DNAJB6: variants seen among roughly 807,000 people sequenced by gnomAD.
The protein encoded by DNAJB6 is DnaJ heat shock protein family (Hsp40) member B6.
A neutral mutation model predicts 42.7 loss-of-function variants in DNAJB6; 16 were observed. The observed-to-expected ratio is 0.37, with a 90% CI of 0.25 to 0.57. The LOEUF (loss-of-function observed/expected upper bound fraction) is 0.57. Ranked by LOEUF, DNAJB6 falls within the 20% of genes least tolerant of loss-of-function variation. The probability of loss-of-function intolerance (pLI) is 0.74; values close to 1 mark genes in which losing one functional copy is unlikely to be tolerated. For missense variants in DNAJB6, 347 were observed against 416.8 expected (o/e 0.83, Z 1.46); for synonymous variants, 170 against 163.5 (o/e 1.04, Z -0.30).
chr7:157,358,156 C>G (rs772492827), intron 1 of DNAJB6, among the ~76,000 whole-genome samples: 1 of 152,184 alleles, frequency 6.6e-6, no homozygotes, highest in African/African-American at 2.4e-5. Flanking sequence ...TGCCCGATGC[C>G]TGGCACAGGA....
At chr7:157,351,727 G>A (rs1798989421) in intron 1 of DNAJB6, among the ~76,000 whole-genome samples, 1 of 152,248 alleles carries the variant, frequency 6.6e-6, no homozygotes, top group Non-Finnish European at 1.5e-5. Context: ...ACTTTGGTAG[G>A]CCAAGGTGGA....
intron 8 of DNAJB6, among the ~76,000 whole-genome samples, chr7:157,386,592 A>T (rs1286002051): frequency 6.8e-6 from 1 of 146,100 alleles, no homozygotes; most frequent in Non-Finnish European, 1.5e-5. Context: ...ATGTAAGATC[A>T]CTTACGGATC....
intron 1 of DNAJB6, among the ~76,000 whole-genome samples, chr7:157,349,414 T>A (rs190084309): frequency 1.8e-4 from 28 of 152,274 alleles, no homozygotes; most frequent in Non-Finnish European, 2.9e-4. Flanking sequence ...GAGTCTCACC[T>A]GCCCAAAGGT....
At position 157,365,406 on chromosome 7, in the gene DNAJB6, C is replaced by T. The variant is rs139386039; in HGVS notation, c.176-1096C>T. On this transcript the variant is annotated intron_variant, in intron 3 of 9. Transcript: ENST00000262177. ...GCACACTAGCCCCAGGCCTTGCATC[C>T]GGGTGGTCCACTTCGAGGGTGAATG... is the stretch of plus-strand genomic sequence containing the variant. Among the ~76,000 whole-genome samples the T allele has an allele frequency of 6.5e-3, 992 of 152,314 alleles. 12 individuals are homozygous for T. Among genetic ancestry groups the T allele is most frequent in the African/African-American group, 0.022 (915 of 41,578 alleles).
At position 157,340,964 on chromosome 7, in the gene DNAJB6, C is replaced by CTGTG. The variant is rs35976329; in HGVS notation, c.-27+3851_-27+3854dup. 2.6e-3 allele frequency among the ~76,000 whole-genome samples: 373 copies of CTGTG among 146,174 alleles called. 4 individuals are homozygous for CTGTG. Among genetic ancestry groups the CTGTG allele is most frequent in the South Asian group, 8.3e-3 (38 of 4,572 alleles). On this transcript the variant is annotated intron_variant, in intron 1 of 9. Coordinates refer to ENST00000262177, the MANE Select transcript of DNAJB6 (RefSeq NM_058246.4). The stretch of plus-strand genomic sequence containing the variant: ...TACAGGCGTGACCCACCGCACCTGG[C>CTGTG]TGTGTGTGTGTGTGTGTGTGTGTGT...
At chr7:157,387,877 G>C (rs2117105382) in intron 8 of DNAJB6, among the ~76,000 whole-genome samples, 1 of 152,188 alleles carries the variant, frequency 6.6e-6, no homozygotes, top group Non-Finnish European at 1.5e-5. Context: ...ACGGAGTCTT[G>C]CTCTGTCATC....
chr7:157,414,148 C>A (rs1796049086), intron 9 of DNAJB6: 1 of 152,392 alleles, frequency 6.6e-6, no homozygotes, highest in African/African-American at 2.4e-5. Flanking sequence ...CTTTCCGTCC[C>A]TAGCTCATAA....
chr7:157,351,284 A>T (rs1798957789), intron 1 of DNAJB6, among the ~76,000 whole-genome samples: 1 of 152,106 alleles, frequency 6.6e-6, no homozygotes. Flanking sequence ...TAGTTGGAAG[A>T]ACTAAGCCTG....
chr7:157,386,204 GTTAAGC>G (rs1410149963), intron 8 of DNAJB6: 1 of 970,020 alleles, frequency 1.0e-6, no homozygotes, highest in East Asian at 1.2e-4. Flanking sequence ...AATATGTAAT[GTTAAGC>G]TTAGGTTTAA....
intron 8 of DNAJB6, among the ~76,000 whole-genome samples, chr7:157,405,622 C>G (rs1371936417): frequency 2.0e-5 from 3 of 152,232 alleles, no homozygotes; most frequent in Admixed American, 6.5e-5. Context: ...TCTGGAGAGC[C>G]TGTCATGGCG....
intron 1 of DNAJB6, among the ~76,000 whole-genome samples, chr7:157,339,474 A>AT (rs1257481338): frequency 3.4e-5 from 5 of 146,516 alleles, no homozygotes; most frequent in Admixed American, 6.8e-5. Flanking sequence ...ATTTTTTTGT[A>AT]TTTTTTTAGT....
intron 3 of DNAJB6, among the ~76,000 whole-genome samples, chr7:157,365,197 A>C (rs1298802093): frequency 2.0e-5 from 3 of 152,136 alleles, no homozygotes; most frequent in Non-Finnish European, 4.4e-5. Flanking sequence ...TAAGTGATCC[A>C]CCTTCCTTGC....
intron 1 of DNAJB6, among the ~76,000 whole-genome samples, chr7:157,342,603 T>A (rs903801071): frequency 1.3e-5 from 2 of 152,170 alleles, no homozygotes; most frequent in Non-Finnish European, 2.9e-5. Flanking sequence ...ATTACAGGCG[T>A]GAGCCAGCGT....
intron 8 of DNAJB6, among the ~76,000 whole-genome samples, chr7:157,399,248 C>A (rs958294235): frequency 6.6e-6 from 1 of 152,146 alleles, no homozygotes; most frequent in Non-Finnish European, 1.5e-5. Flanking sequence ...GTCCCTGTGG[C>A]CCCCCGCCAT....
rs1798234170 is a variant in DNAJB6 at position 157,339,519 on chromosome 7, C to G, written c.-27+2375C>G. Among the ~76,000 whole-genome samples, 3 of 151,696 alleles carry G rather than the reference C, an allele frequency of 2.0e-5. No homozygotes were observed. The South Asian group carries it at 6.2e-4, about 32-fold the overall frequency. On this transcript the variant is annotated intron_variant, in intron 1 of 9. Coordinates refer to ENST00000262177, the MANE Select transcript of DNAJB6 (RefSeq NM_058246.4). ...GTTTCACCGTGTTAGCCAGGATGGT[C>G]TTGATCTCCTGACCTCGTGATCCGC...
In DNAJB6 at chr7:157,361,768, T is replaced by G. The variant is rs140841567; in HGVS notation, c.66-1393T>G. Among the ~76,000 whole-genome samples, 774 of 150,648 alleles carry G rather than the reference T, an allele frequency of 5.1e-3. 5 individuals carry two copies. The highest frequency in any genetic ancestry group is 0.018 in the African/African-American group (733 of 41,020). On this transcript the variant is annotated intron_variant, in intron 2 of 9. Transcript: ENST00000262177. Reference sequence around the variant, plus strand: ...TGTATTCATTCATTCATTCATTCATTCATTCATGCATTCATGTTGAGCCGG... The same window carrying G: ...TGTATTCATTCATTCATTCATTCATGCATTCATGCATTCATGTTGAGCCGG...
At chr7:157,376,688 C>A (rs753716863) in intron 5 of DNAJB6, among the ~76,000 whole-genome samples, 2 of 152,060 alleles carry the variant, frequency 1.3e-5, no homozygotes, top group Non-Finnish European at 2.9e-5. Flanking sequence ...CCAGACCAGC[C>A]TGGCCAACAT....
intron 8 of DNAJB6, among the ~76,000 whole-genome samples, chr7:157,396,023 C>T (rs1801569672): frequency 1.3e-5 from 2 of 150,388 alleles, no homozygotes; most frequent in Admixed American, 6.7e-5. Context: ...ACTCGGCTCA[C>T]TGCAACCTCC....
intron 8 of DNAJB6, among the ~76,000 whole-genome samples, chr7:157,406,544 C>G (rs564552447): frequency 6.6e-6 from 1 of 152,188 alleles, no homozygotes; most frequent in Non-Finnish European, 1.5e-5. Context: ...TGGGTGTTGC[C>G]GGGACCTGGC....
Sources: gnomAD v4.1 joint callset for allele counts (sites outside exome capture counted in the v4.1 genomes callset) on GRCh38, gnomAD v4.1.1 for gene constraint, MANE v1.5 for transcripts, NCBI Gene and HGNC (gene_info 2026-07-23, HGNC 2026-07-21) for gene names.